CAMK1G: variants seen among roughly 807,000 people sequenced by gnomAD.
The protein encoded by CAMK1G is calcium/calmodulin dependent protein kinase IG, also known as calcium/calmodulin-dependent protein kinase type 1G.
Under a neutral mutation model 54.8 loss-of-function variants are expected in CAMK1G, and 27 were observed. The observed-to-expected ratio is 0.49, with a 90% CI of 0.36 to 0.68. The LOEUF (loss-of-function observed/expected upper bound fraction) is 0.68, where lower values mean the gene tolerates loss of function less well. Among genes scored for constraint, CAMK1G ranks in the 30% least tolerant of loss-of-function variants. The pLI, the probability that CAMK1G is intolerant of heterozygous loss-of-function variation, is 0.00. For missense variants in CAMK1G, 512 were observed against 591.0 expected, an observed-to-expected ratio of 0.87 and a Z score of 1.39; for synonymous variants, 238 against 224.9, an observed-to-expected ratio of 1.06 and a Z score of -0.52.
rs149788728 is a variant in CAMK1G, at chr1:209,600,270, G to A, written c.221+159G>A. Among the ~76,000 whole-genome samples, 17 of 150,162 alleles carry A rather than the reference G, an allele frequency of 1.1e-4. No homozygotes were observed. In the East Asian group the frequency reaches 1.6e-3, roughly 14 times the overall value. On this transcript the variant is annotated intron_variant, in intron 3 of 12. Transcript: ENST00000361322. ...TTCAGTCAATTAGCTAAGTTTAGTCGGACAGCTGTCCTAGCTGATTTTTTT... is the reference window on the plus strand; with the variant it reads ...TTCAGTCAATTAGCTAAGTTTAGTCAGACAGCTGTCCTAGCTGATTTTTTT...
At chr1:209,587,368 C>T (rs1179407990) in intron 1 of CAMK1G, among the ~76,000 whole-genome samples, 1 of 152,106 alleles carries the variant, frequency 6.6e-6, no homozygotes, top group Non-Finnish European at 1.5e-5. Context: ...CCAAAGGATG[C>T]TCTGAGAAAC....
At chr1:209,608,048 G>C in intron 7 of CAMK1G, 115 bp downstream of exon 7, 2 of 728,908 alleles carry the variant, frequency 2.7e-6, no homozygotes, top group South Asian at 3.4e-5. Flanking sequence ...TGCACAAACA[G>C]ACACAGGCAC....
intron 2 of CAMK1G, among the ~76,000 whole-genome samples, chr1:209,599,005 T>C (rs1299986706): frequency 1.3e-5 from 2 of 152,174 alleles, no homozygotes; most frequent in East Asian, 3.9e-4. Flanking sequence ...AACTCACAGT[T>C]CAGCATGGCT....
At chr1:209,596,576 T>C (rs1003767892) in intron 2 of CAMK1G, among the ~76,000 whole-genome samples, 4 of 151,908 alleles carry the variant, frequency 2.6e-5, no homozygotes, top group African/African-American at 4.8e-5. Context: ...GAAATAATGA[T>C]AAAATGAACG....
chr1:209,604,106 G>A (rs1173725099), intron 4 of CAMK1G, among the ~76,000 whole-genome samples: 2 of 152,192 alleles, frequency 1.3e-5, no homozygotes, highest in East Asian at 3.8e-4. Context: ...TCTCAGCGTG[G>A]CTGGACACAA....
chr1:209,597,800 G>A lies in CAMK1G; in HGVS notation c.93-2183G>A, dbSNP rs539334743. On this transcript the variant is annotated intron_variant, in intron 2 of 12. Coordinates refer to ENST00000361322, the MANE Select transcript of CAMK1G (RefSeq NM_020439.3). ...TTCATTCTAGCATATCCAGATGGCA[G>A]GGTCAAGGATGGCTCAGCTGTTTCC... 3.3e-4 allele frequency among the ~76,000 whole-genome samples: 50 copies of A among 152,302 alleles called. 1 individual carries two copies. The highest frequency in any genetic ancestry group is 1.2e-3 in the African/African-American group (48 of 41,574).
Position 209,613,133 on chromosome 1 carries a change from G to A in CAMK1G, c.*131G>A, listed in dbSNP as rs1665825428. 5.3e-6 allele frequency: 2 copies of A among 374,162 alleles called. No individual in the cohort carries two copies. Among genetic ancestry groups the A allele is most frequent in the African/African-American group, 4.1e-5 (2 of 49,204 alleles). The allele number at this position is 374,162 out of a possible 1,614,324, so 23.2% of individuals were successfully genotyped here. A position where few individuals can be genotyped will look rare whatever the true frequency, so the allele number is the denominator to read the frequency against. ...AGTGGAGCAGGGCTTAGCAGGAGCA[G>A]TTTCTGGCCAGAAGCACCAGCCTGC... On this transcript the variant is annotated 3_prime_UTR_variant, in exon 13 of 13. Transcript: ENST00000361322.
At chr1:209,606,928 C>T (rs1270910228) in intron 6 of CAMK1G, among the ~76,000 whole-genome samples, 1 of 152,206 alleles carries the variant, frequency 6.6e-6, no homozygotes, top group African/African-American at 2.4e-5. Flanking sequence ...CAAGGAAGCA[C>T]TCTGGGAAAT....
chr1:209,607,665 GTC>G, intron 6 of CAMK1G, 191 bp from the exon 7 acceptor site: 1 of 531,796 alleles, frequency 1.9e-6, no homozygotes. Flanking sequence ...AGAAGTCACA[GTC>G]TCTCTTTTCA....
At chr1:209,605,430 T>C in intron 4 of CAMK1G, 106 bp from the exon 5 acceptor site, 1 of 1,371,034 alleles carries the variant, frequency 7.3e-7, no homozygotes, top group Non-Finnish European at 1.0e-6. Context: ...CATGGGGGCC[T>C]GCCTGTTCCA....
chr1:209,596,661 C>CCA (rs55936082), intron 2 of CAMK1G, among the ~76,000 whole-genome samples: 12,041 of 148,048 alleles, frequency 0.081, 518 homozygotes, highest in East Asian at 0.15. Context: ...CACACACACA[C>CCA]CACACACACA....
intron 1 of CAMK1G, among the ~76,000 whole-genome samples, chr1:209,594,516 A>G (rs1665333084): frequency 6.6e-6 from 1 of 152,254 alleles, no homozygotes; most frequent in Admixed American, 6.5e-5. Flanking sequence ...AACCCATAAC[A>G]GGTGGGAGAG....
intron 4 of CAMK1G, 70 bp downstream of exon 4, chr1:209,603,358 C>G: frequency 8.1e-7 from 1 of 1,237,714 alleles, no homozygotes; most frequent in Admixed American, 1.8e-5. Flanking sequence ...GGAGGTTGGT[C>G]GCTGGTGAGG....
chr1:209,604,741 G>A (rs1009781846), intron 4 of CAMK1G, among the ~76,000 whole-genome samples: 2 of 152,194 alleles, frequency 1.3e-5, no homozygotes, highest in Non-Finnish European at 2.9e-5. Flanking sequence ...ATACTTGAAA[G>A]GTGCACAGGA....
At chr1:209,612,374 C>A in intron 11 of CAMK1G, 158 bp downstream of exon 11, 2 of 745,032 alleles carry the variant, frequency 2.7e-6, no homozygotes, top group Admixed American at 2.9e-5. Context: ...TGCTTCCAGC[C>A]CTGTCCCCAT....
In CAMK1G at chr1:209,613,415, G is replaced by A. The variant is rs1271991097; in HGVS notation, c.*413G>A. 6.5e-6 allele frequency: 1 copy of A among 154,952 alleles called. No homozygotes were observed. Among genetic ancestry groups the A allele is most frequent in the Non-Finnish European group, 1.4e-5 (1 of 69,590 alleles). 9.6% of individuals were successfully genotyped at this position (154,952 alleles called of 1,614,324 possible). On this transcript the variant is annotated 3_prime_UTR_variant, in exon 13 of 13. Coordinates refer to ENST00000361322, the MANE Select transcript of CAMK1G (RefSeq NM_020439.3). ...TCACCTTCTCCAAGCAAAGCCATATGGAGCATCTACCCAGACTCCCACTCT... is the reference window on the plus strand; with the variant it reads ...TCACCTTCTCCAAGCAAAGCCATATAGAGCATCTACCCAGACTCCCACTCT...
In CAMK1G at chr1:209,607,518, G is replaced by A. The variant is rs560081608; in HGVS notation, c.560-340G>A. ...GGGAGAGAGATCACACTTGCCCTGG[G>A]AATCCCCTATCTGAGTGGGGAGACA... On this transcript the variant is annotated intron_variant, in intron 6 of 12. Transcript: ENST00000361322. 2.0e-5 allele frequency among the ~76,000 whole-genome samples: 3 copies of A among 152,276 alleles called. No individual in the cohort carries two copies. In the East Asian group the frequency reaches 5.8e-4, roughly 29 times the overall value.
At chr1:209,591,731 C>G (rs1418127502) in intron 1 of CAMK1G, among the ~76,000 whole-genome samples, 2 of 152,178 alleles carry the variant, frequency 1.3e-5, no homozygotes, top group Non-Finnish European at 2.9e-5. Flanking sequence ...ATCAGGGACC[C>G]TGGATTCCAC....
Position 209,605,594 on chromosome 1 carries a change from G to A in CAMK1G, c.355G>A (p.Asp119Asn). Reference sequence around the variant, plus strand: ...GGAGCGGGGTGTCTACACAGAGAAGGATGCCAGTCTGGTGATCCAGCAGGT... The same window carrying A: ...GGAGCGGGGTGTCTACACAGAGAAGAATGCCAGTCTGGTGATCCAGCAGGT... ...ILERGVYTEKDASLVIQQVLS... is the reference protein window; with the variant it reads ...ILERGVYTEKNASLVIQQVLS... The change falls in exon 5 of 13, where the codon GAT becomes AAT. Residue 119 changes from aspartate to asparagine, a missense_variant. Physicochemically the swap from Asp to Asn is conservative, Grantham distance 23. Transcript: ENST00000361322. The A allele has an allele frequency of 1.9e-6, 3 of 1,614,154 alleles. No individual in the cohort carries two copies. The highest frequency in any genetic ancestry group is 2.5e-6 in the Non-Finnish European group (3 of 1,180,002).
Sources: allele counts gnomAD v4.1 joint callset (sites outside exome capture counted in the v4.1 genomes callset), GRCh38; gene constraint gnomAD v4.1.1; transcripts MANE v1.5; gene names NCBI Gene and HGNC (gene_info 2026-07-23, HGNC 2026-07-21).